Variants in PLPPR1 observed in about 807,000 individuals in gnomAD.
The protein encoded by PLPPR1 is phospholipid phosphatase-related protein type 1.
A neutral mutation model predicts 33.1 loss-of-function variants in PLPPR1; 10 were observed. That is an observed-to-expected ratio of 0.30 (90% CI 0.19 to 0.51). The LOEUF is 0.51. Ranked by LOEUF, PLPPR1 falls within the 20% of genes least tolerant of loss-of-function variation. PLPPR1 has a pLI of 0.97. For synonymous variants in PLPPR1, 151 were observed against 151.0 expected (o/e 1.00, Z 0.00); for missense variants, 304 against 408.1 (o/e 0.74, Z 2.20).
chr9:101,038,982 G>A (rs1174143900), intron 1 of PLPPR1, among the ~76,000 whole-genome samples: 1 of 152,144 alleles, frequency 6.6e-6, no homozygotes, highest in Non-Finnish European at 1.5e-5. Flanking sequence ...TATTGGTAGA[G>A]ATTTATTTTT....
intron 1 of PLPPR1, among the ~76,000 whole-genome samples, chr9:101,099,644 G>T (rs1830871182): frequency 6.6e-6 from 1 of 152,072 alleles, no homozygotes; most frequent in African/African-American, 2.4e-5. Context: ...ATTGTATTAG[G>T]TATTATAAGG....
rs549674352 is a variant in PLPPR1 at position 101,310,817 on chromosome 9, G to A, written c.636+1356G>A. The stretch of plus-strand genomic sequence containing the variant: ...GGTTATTTTGTCAACCACCAACTAT[G>A]TGACATGAGTATGTGAAAAAAAGGA... On this transcript the variant is annotated intron_variant, in intron 5 of 7. Coordinates refer to ENST00000374874, the MANE Select transcript of PLPPR1 (RefSeq NM_207299.2). Among the ~76,000 whole-genome samples, 139 of 152,254 alleles carry A rather than the reference G, an allele frequency of 9.1e-4. 1 individual carries two copies. The highest frequency in any genetic ancestry group is 3.1e-3 in the African/African-American group (128 of 41,548).
intron 2 of PLPPR1, among the ~76,000 whole-genome samples, chr9:101,232,104 GAAC>G (rs1474664734): frequency 3.3e-4 from 50 of 152,182 alleles, no homozygotes; most frequent in African/African-American, 1.2e-3. Context: ...ACAAGTGAAT[GAAC>G]AAAATATTTG....
intron 1 of PLPPR1, among the ~76,000 whole-genome samples, chr9:101,061,741 A>C (rs944446044): frequency 6.6e-6 from 1 of 152,000 alleles, no homozygotes; most frequent in Non-Finnish European, 1.5e-5. Context: ...GGGTCCTTAA[A>C]ACATAGTTAT....
chr9:101,062,149 GGTGTGTGTGTGTGT>G (rs56998660), intron 1 of PLPPR1, among the ~76,000 whole-genome samples: 80,540 of 148,426 alleles, frequency 0.54, 21,542 homozygotes, highest in Admixed American at 0.56. Flanking sequence ...GACAAAATGT[GGTGTGTGTGTGTGT>G]GTGTGTGTGT....
intron 3 of PLPPR1, among the ~76,000 whole-genome samples, chr9:101,272,786 T>C (rs1329078): frequency 0.051 from 7,710 of 152,312 alleles, 247 homozygotes; most frequent in South Asian, 0.12. Context: ...ACTTAGTCTA[T>C]GTTTACAAAA....
At chr9:101,089,397 A>T (rs1435347477) in intron 1 of PLPPR1, among the ~76,000 whole-genome samples, 1 of 152,128 alleles carries the variant, frequency 6.6e-6, no homozygotes, top group Non-Finnish European at 1.5e-5. Flanking sequence ...TATTTTGAAA[A>T]ATACTATTAG....
At chr9:101,174,018 A>T (rs1038901675) in intron 1 of PLPPR1, among the ~76,000 whole-genome samples, 1 of 152,102 alleles carries the variant, frequency 6.6e-6, no homozygotes, top group Admixed American at 6.6e-5. Flanking sequence ...TTAGCTGGAC[A>T]TGGTGGCATG....
At chr9:101,145,538 C>T (rs55903434) in intron 1 of PLPPR1, among the ~76,000 whole-genome samples, 24,439 of 151,842 alleles carry the variant, frequency 0.16, 2,213 homozygotes, top group Non-Finnish European at 0.2. Flanking sequence ...CCTGCCACCA[C>T]GCCCAGCTAA....
intron 1 of PLPPR1, among the ~76,000 whole-genome samples, chr9:101,074,934 A>G (rs1255320805): frequency 6.6e-6 from 1 of 152,188 alleles, no homozygotes; most frequent in Non-Finnish European, 1.5e-5. Flanking sequence ...TTCCTTCCCA[A>G]GCAAAAGAAA....
In PLPPR1 at chr9:101,309,389, G is replaced by A. The variant is rs951532266; in HGVS notation, c.564G>A (p.Val188=). 1.2e-6 allele frequency: 2 copies of A among 1,614,088 alleles called. No homozygotes were observed. The highest frequency in any genetic ancestry group is 2.2e-5 in the East Asian group (1 of 44,852). ...ACATTTGTACTGGGGACCTGGAAGTGATAGAAAAGGCTCGGAGATCCTTTC... is the reference window on the plus strand; with the variant it reads ...ACATTTGTACTGGGGACCTGGAAGTAATAGAAAAGGCTCGGAGATCCTTTC... ...NGNICTGDLE[V]IEKARRSFPS... The change falls in exon 5 of 8, where the codon GTG becomes GTA. Residue 188 remains valine, a synonymous_variant. Coordinates refer to ENST00000374874, the MANE Select transcript of PLPPR1 (RefSeq NM_207299.2).
At chr9:101,127,134 C>T (rs1338489645) in intron 1 of PLPPR1, among the ~76,000 whole-genome samples, 1 of 152,076 alleles carries the variant, frequency 6.6e-6, no homozygotes, top group Non-Finnish European at 1.5e-5. Flanking sequence ...CCATTGTTAC[C>T]CTCGTTCTTC....
intron 1 of PLPPR1, among the ~76,000 whole-genome samples, chr9:101,054,128 G>A (rs935372788): frequency 6.6e-6 from 1 of 152,086 alleles, no homozygotes; most frequent in Non-Finnish European, 1.5e-5. Context: ...AGGTTGCAGT[G>A]AGCTGAGATA....
At chr9:101,107,923 C>A (rs535393628) in intron 1 of PLPPR1, among the ~76,000 whole-genome samples, 15 of 151,066 alleles carry the variant, frequency 9.9e-5, no homozygotes, top group African/African-American at 3.7e-4. Context: ...CAGGTGCGTT[C>A]GTCACCCCTT....
chr9:101,300,719 C>T (rs1319927299), intron 4 of PLPPR1, among the ~76,000 whole-genome samples: 5 of 152,282 alleles, frequency 3.3e-5, no homozygotes, highest in Non-Finnish European at 5.9e-5. Context: ...TCCTATATTT[C>T]GATATCTCTT....
intron 2 of PLPPR1, among the ~76,000 whole-genome samples, chr9:101,212,639 C>G (rs1464573115): frequency 6.6e-6 from 1 of 152,068 alleles, no homozygotes. Flanking sequence ...CAGTATATAA[C>G]TATAGGTTTC....
At chr9:101,305,375 G>A (rs569200111) in intron 4 of PLPPR1, among the ~76,000 whole-genome samples, 20 of 152,060 alleles carry the variant, frequency 1.3e-4, no homozygotes, top group Non-Finnish European at 2.6e-4. Flanking sequence ...TTTCACTGTC[G>A]TCATGTATGA....
chr9:101,150,987 A>T (rs555939749), intron 1 of PLPPR1, among the ~76,000 whole-genome samples: 2 of 152,222 alleles, frequency 1.3e-5, no homozygotes, highest in Admixed American at 6.5e-5. Flanking sequence ...GCTGTAGTTT[A>T]TACTTGGGAC....
intron 1 of PLPPR1, among the ~76,000 whole-genome samples, chr9:101,094,895 C>T (rs1830795636): frequency 6.6e-6 from 1 of 152,146 alleles, no homozygotes; most frequent in African/African-American, 2.4e-5. Flanking sequence ...AGTCTATCTC[C>T]ATTCTAGAAA....
Sources: gnomAD v4.1 joint callset for allele counts (sites outside exome capture counted in the v4.1 genomes callset) on GRCh38, gnomAD v4.1.1 for gene constraint, MANE v1.5 for transcripts, NCBI Gene and HGNC (gene_info 2026-07-23, HGNC 2026-07-21) for gene names.